The following CUX1 variants were observed in gnomAD, a reference collection of about 807,000 sequenced individuals.
CUX1 encodes protein CASP.
CUX1 carries 31 observed loss-of-function variants against 158.8 expected under a neutral mutation model. The observed-to-expected ratio is 0.20, with a 90% confidence interval of 0.15 to 0.26. The LOEUF is 0.26. CUX1 is among the 10% of genes least tolerant of loss of function. The pLI, the probability that CUX1 is intolerant of heterozygous loss-of-function variation, is 1.00. For missense variants in CUX1, 1,589 were observed against 2,014.6 expected, an observed-to-expected ratio of 0.79 and a Z score of 4.04; for synonymous variants, 879 against 862.1, an observed-to-expected ratio of 1.02 and a Z score of -0.34.
At chr7:102,032,376 A>C (rs1010787546) in intron 3 of CUX1, among the ~76,000 whole-genome samples, 2 of 151,722 alleles carry the variant, frequency 1.3e-5, no homozygotes, top group Non-Finnish European at 2.9e-5. Flanking sequence ...AGCCTGGTCA[A>C]TATAGTGAGA....
At chr7:102,278,774 G>A (rs1791819770) in intron 18 of CUX1, among the ~76,000 whole-genome samples, 2 of 151,288 alleles carry the variant, frequency 1.3e-5, no homozygotes, top group African/African-American at 4.9e-5. Context: ...TAGCCAGAAG[G>A]GCCAGGCACA....
Position 102,251,540 on chromosome 7 carries a change from G to T in CUX1, c.*2498G>T, listed in dbSNP as rs1222143250. The stretch of plus-strand genomic sequence containing the variant: ...GCTGTTCGTTTGTCTTTTGTTGGGG[G>T]TATCATTTCTGAACTTGAAATCCAG... On this transcript the variant is annotated 3_prime_UTR_variant, in exon 24 of 24. Transcript: ENST00000292535. The T allele has an allele frequency of 9.1e-6, 9 of 985,268 alleles. No individual in the cohort carries two copies. Among genetic ancestry groups the T allele is most frequent in the Non-Finnish European group, 1.1e-5 (9 of 829,934 alleles). The allele number at this position is 985,268 out of a possible 1,614,324, so 61.0% of individuals were successfully genotyped here. A position where few individuals can be genotyped will look rare whatever the true frequency, so the allele number is the denominator to read the frequency against.
chr7:102,095,085 G>A (rs1375717735), intron 4 of CUX1, among the ~76,000 whole-genome samples: 2 of 151,356 alleles, frequency 1.3e-5, no homozygotes, highest in East Asian at 1.9e-4. Flanking sequence ...ATGCAACCTC[G>A]ACCTCAAGGG....
In CUX1 at chr7:102,080,823, C is replaced by G. The variant is rs563929154; in HGVS notation, c.268+10406C>G. On this transcript the variant is annotated intron_variant, in intron 4 of 23. Transcript: ENST00000292535. ...CACCAGCACTTCCTTCAGAGTGATC[C>G]GAAGAACTCAAAGCAAAATGTTTGC... Among the ~76,000 whole-genome samples the G allele has an allele frequency of 1.7e-3, 257 of 152,210 alleles. 1 individual carries two copies. Among genetic ancestry groups the G allele is most frequent in the Middle Eastern group, 6.8e-3 (2 of 294 alleles).
At chr7:102,222,744 G>T (rs936376253) in intron 20 of CUX1, among the ~76,000 whole-genome samples, 1 of 147,774 alleles carries the variant, frequency 6.8e-6, no homozygotes, top group East Asian at 2.1e-4. Flanking sequence ...GCCACCAGCT[G>T]TACAGGGGCT....
intron 14 of CUX1, among the ~76,000 whole-genome samples, chr7:102,195,834 C>T (rs1282085894): frequency 1.3e-5 from 2 of 152,130 alleles, no homozygotes; most frequent in African/African-American, 2.4e-5. Context: ...ACAGGCTCTG[C>T]GGAGGTCAGT....
chr7:102,246,934 A>G (rs1554537161), intron 23 of CUX1, among the ~76,000 whole-genome samples: 1 of 152,230 alleles, frequency 6.6e-6, no homozygotes, highest in Admixed American at 6.5e-5. Context: ...TGGGAGGCCA[A>G]GGCAGCAGAA....
rs564641420 is a variant in CUX1 at position 101,881,440 on chromosome 7, G to A, written c.31-34675G>A. On this transcript the variant is annotated intron_variant, in intron 1 of 23. Transcript: ENST00000292535. ...ATTAATTTTCATCGCTGGCAGGCCC[G>A]AGTTGTTTGCGATACACTGACTACC... is the stretch of plus-strand genomic sequence containing the variant. 2.6e-5 allele frequency among the ~76,000 whole-genome samples: 4 copies of A among 152,320 alleles called. No individual in the cohort carries two copies. The East Asian group carries it at 7.7e-4, about 29-fold the overall frequency.
chr7:102,168,324 C>T (rs558377707), intron 9 of CUX1, among the ~76,000 whole-genome samples: 1 of 152,226 alleles, frequency 6.6e-6, no homozygotes, highest in Admixed American at 6.5e-5. Context: ...CCACCAGCAC[C>T]GCCCTGGGCG....
chr7:102,069,747 CAAA>C (rs1161567906), intron 3 of CUX1, among the ~76,000 whole-genome samples: 1 of 151,768 alleles, frequency 6.6e-6, no homozygotes, highest in African/African-American at 2.4e-5. Flanking sequence ...GACTCTGTCT[CAAA>C]AAAAGGAGAA....
Position 102,196,943 on chromosome 7 carries a change from C to T in CUX1, c.1532C>T (p.Pro511Leu), listed in dbSNP as rs534347690. 1 of 1,614,192 alleles carries T rather than the reference C, an allele frequency of 6.2e-7. No homozygotes were observed. The highest frequency in any genetic ancestry group is 2.2e-5 in the East Asian group (1 of 44,892). ...GSTSMIFSTG[P>L]YSTNSISSQS... Reference sequence around the variant, plus strand: ...ACAAGCATGATTTTTTCAACAGGTCCATACAGCACAAACTCCATATCTTCC... The same window carrying T: ...ACAAGCATGATTTTTTCAACAGGTCTATACAGCACAAACTCCATATCTTCC... Residue 511 changes from proline to leucine, a missense_variant, in exon 15 of 24, where the codon CCA becomes CTA. Pro to Leu is a moderately conservative substitution (Grantham distance 98). Around this residue, in one of 8 missense-constraint regions of CUX1, gnomAD observed 515 missense variants for 574.4 expected, o/e 0.90. Coordinates refer to ENST00000292535, the MANE Select transcript of CUX1 (RefSeq NM_181552.4).
At position 102,283,241 on chromosome 7, in the gene CUX1, G is replaced by T. The variant is rs1792247582; in HGVS notation, c.*151G>T. 4.5e-6 allele frequency: 3 copies of T among 670,150 alleles called. No individual in the cohort carries two copies. In the East Asian group the frequency reaches 8.3e-5, roughly 19 times the overall value. 41.5% of individuals were successfully genotyped at this position (670,150 alleles called of 1,614,324 possible). On this transcript the variant is annotated 3_prime_UTR_variant, in exon 23 of 23. Transcript: ENST00000292538. ...TGCCAGAGGCCCCAGGTCACCTCGG[G>T]TCCCCTTGAAAGAATGTCTCGGTCA...
At chr7:102,047,212 A>G (rs1166451723) in intron 3 of CUX1, among the ~76,000 whole-genome samples, 1 of 152,170 alleles carries the variant, frequency 6.6e-6, no homozygotes, top group African/African-American at 2.4e-5. Context: ...CATGTGGCAC[A>G]GTGCTTGGCG....
chr7:101,930,038 C>T (rs954269904), intron 2 of CUX1, among the ~76,000 whole-genome samples: 2 of 152,156 alleles, frequency 1.3e-5, no homozygotes, highest in African/African-American at 4.8e-5. Flanking sequence ...GATGGGGTTT[C>T]ACCATGTTGG....
intron 21 of CUX1, among the ~76,000 whole-genome samples, chr7:102,282,106 T>C (rs1010975573): frequency 5.3e-5 from 8 of 151,996 alleles, no homozygotes; most frequent in East Asian, 1.9e-4. Flanking sequence ...ACCCACCCCA[T>C]TGGGACCTCT....
intron 2 of CUX1, chr7:101,932,544 C>T (rs1048083000): frequency 4.4e-6 from 2 of 453,776 alleles, no homozygotes; most frequent in Middle Eastern, 3.3e-4. Context: ...TTGAAGATGA[C>T]CATTTGTGAA....
At chr7:102,191,221 ACTTACTTGCTTG>A (rs1794237095) in intron 12 of CUX1, among the ~76,000 whole-genome samples, 1 of 152,026 alleles carries the variant, frequency 6.6e-6, no homozygotes, top group Admixed American at 6.6e-5. Context: ...TCTGTAACTT[ACTTACTTGCTTG>A]CTTACTTATT....
intron 2 of CUX1, among the ~76,000 whole-genome samples, chr7:101,944,459 C>T (rs370616209): frequency 6.6e-6 from 1 of 152,212 alleles, no homozygotes; most frequent in African/African-American, 2.4e-5. Context: ...TCCTGGCTCA[C>T]GCGGGAGACG....
At chr7:102,171,076 T>C (rs1305036084) in intron 10 of CUX1, among the ~76,000 whole-genome samples, 1 of 152,200 alleles carries the variant, frequency 6.6e-6, no homozygotes, top group African/African-American at 2.4e-5. Context: ...TTGCTTTTTC[T>C]GAAATTAGCG....
Sources: allele counts gnomAD v4.1 joint callset (sites outside exome capture counted in the v4.1 genomes callset), GRCh38; gene constraint gnomAD v4.1.1; regional missense constraint gnomAD v4.1.1; transcripts MANE v1.5; gene names NCBI Gene and HGNC (gene_info 2026-07-23, HGNC 2026-07-21).